Variants in ABHD8 observed in about 807,000 individuals in gnomAD.
ABHD8 encodes the protein protein ABHD8.
Under a neutral mutation model 29.3 loss-of-function variants are expected in ABHD8, and 10 were observed. The ratio of observed to expected loss-of-function variants is 0.34; its 90% CI spans 0.21 to 0.58. The LOEUF (loss-of-function observed/expected upper bound fraction) is 0.58, where lower values mean the gene tolerates loss of function less well. Among genes scored for constraint, ABHD8 ranks in the 20% least tolerant of loss-of-function variants. The pLI, the probability that ABHD8 is intolerant of heterozygous loss-of-function variation, is 0.85. For synonymous variants in ABHD8, 282 were observed against 274.6 expected, an observed-to-expected ratio of 1.03 and a Z score of -0.27; for missense variants, 556 against 615.3, an observed-to-expected ratio of 0.90 and a Z score of 1.02.
At chr19:17,299,793 CTTTGT>C in intron 2 of ABHD8, among the ~76,000 whole-genome samples, 1 of 151,552 alleles carries the variant, frequency 6.6e-6, no homozygotes, top group Non-Finnish European at 1.5e-5. Flanking sequence ...TTTTTGTTTG[CTTTGT>C]TTTGTTTTAG....
At chr19:17,293,570 G>C (rs1167500422) in intron 4 of ABHD8, among the ~76,000 whole-genome samples, 1 of 151,988 alleles carries the variant, frequency 6.6e-6, no homozygotes, top group Non-Finnish European at 1.5e-5. Flanking sequence ...GATGCCAGTA[G>C]TACCCCCTCC....
rs939238801 is a variant in ABHD8 at position 17,303,288 on chromosome 19, C to G, written c.-55G>C. The G allele has an allele frequency of 6.6e-6, 1 of 152,268 alleles. No individual in the cohort carries two copies. Among genetic ancestry groups the G allele is most frequent in the Non-Finnish European group, 1.5e-5 (1 of 68,070 alleles). The allele number at this position is 152,268 out of a possible 1,614,324, so 9.4% of individuals were successfully genotyped here. ...CGGGTCGGGGCGGAGGGGTCCCAGG[C>G]GGAGAAGCCAGCGTCCGCCTGCTGG... is the stretch of plus-strand genomic sequence containing the variant. On this transcript the variant is annotated 5_prime_UTR_variant, in exon 1 of 5. Coordinates refer to ENST00000247706, the MANE Select transcript of ABHD8 (RefSeq NM_024527.5).
chr19:17,298,735 C>CTTTTT lies in ABHD8; in HGVS notation c.761+2116_761+2120dup, dbSNP rs34731394. ...ATAGTGCTGGGATTGAACAACACTG[C>CTTTTT]TTTTTTTTTTTTTTTTTTTTTTTTG... On this transcript the variant is annotated intron_variant, in intron 2 of 4. Transcript: ENST00000247706. Among the ~76,000 whole-genome samples, 250 of 70,472 alleles carry CTTTTT rather than the reference C, an allele frequency of 3.5e-3. 6 individuals are homozygous for CTTTTT. The highest frequency in any genetic ancestry group is 0.013 in the African/African-American group (215 of 16,836). 46.2% of individuals were successfully genotyped at this position (70,472 alleles called of 152,430 possible).
intron 2 of ABHD8, among the ~76,000 whole-genome samples, chr19:17,299,510 A>G (rs1417779440): frequency 1.4e-5 from 2 of 146,418 alleles, no homozygotes; most frequent in Non-Finnish European, 3.0e-5. Flanking sequence ...GCAGTGAGCC[A>G]GGATCACGCC....
At position 17,297,316 on chromosome 19, in the gene ABHD8, G is replaced by A. The variant is rs865848990; in HGVS notation, c.762-2471C>T. On this transcript the variant is annotated intron_variant, in intron 2 of 4. Coordinates refer to ENST00000247706, the MANE Select transcript of ABHD8 (RefSeq NM_024527.5). ...TTTTGTTTTTTTGTTTTTTTCTCGA[G>A]ACAGAGTCTTGCTCTGTCACTCAGG... is the stretch of plus-strand genomic sequence containing the variant. 2.6e-5 allele frequency among the ~76,000 whole-genome samples: 4 copies of A among 151,862 alleles called. No homozygotes were observed. The East Asian group carries it at 7.7e-4, about 29-fold the overall frequency.
chr19:17,294,109 T>C (rs1182893048), intron 4 of ABHD8, among the ~76,000 whole-genome samples, 179 bp downstream of exon 4: 1 of 152,114 alleles, frequency 6.6e-6, no homozygotes, highest in Non-Finnish European at 1.5e-5. Context: ...CTAATGCTCC[T>C]GTTTGCCTGG....
intron 2 of ABHD8, among the ~76,000 whole-genome samples, chr19:17,298,614 A>G (rs532839234): frequency 7.9e-5 from 12 of 152,194 alleles, no homozygotes; most frequent in African/African-American, 2.9e-4. Context: ...CATGATCAAC[A>G]CTAGATTGTG....
intron 4 of ABHD8, 61 bp downstream of exon 4, chr19:17,294,227 G>A: frequency 2.6e-6 from 4 of 1,556,020 alleles, no homozygotes; most frequent in South Asian, 1.2e-5. Context: ...CAGAGGCCAC[G>A]CCCCTCCCGG....
Position 17,301,449 on chromosome 19 carries a change from G to C in ABHD8, c.168C>G (p.Ala56=). Residue 56 remains alanine, a synonymous_variant, in exon 2 of 5, where the codon GCC becomes GCG. Transcript: ENST00000247706. ...AGGATGCGGATGATGGTGGAGGTGG[G>C]GCAGCGGCTGGGGCGGGTCCTGCAT... ...VKHAGPAPAA[A]PPPPSSASSD... 1 of 1,611,988 alleles carries C rather than the reference G, an allele frequency of 6.2e-7. No homozygotes were observed. The highest frequency in any genetic ancestry group is 8.5e-7 in the Non-Finnish European group (1 of 1,179,802).
intron 2 of ABHD8, among the ~76,000 whole-genome samples, chr19:17,295,712 T>C (rs995789297): frequency 6.6e-6 from 1 of 151,828 alleles, no homozygotes; most frequent in Non-Finnish European, 1.5e-5. Flanking sequence ...TGGCCTGTTT[T>C]GTTTTTGTTT....
intron 4 of ABHD8, 50 bp downstream of exon 4, chr19:17,294,238 G>A: frequency 2.5e-6 from 4 of 1,574,346 alleles, no homozygotes; most frequent in Non-Finnish European, 3.4e-6. Flanking sequence ...CCCCTCCCGG[G>A]CAGCACCCTG....
Position 17,300,982 on chromosome 19 carries a change from C to T in ABHD8, c.635G>A (p.Gly212Asp). 6.2e-7 allele frequency: 1 copy of T among 1,613,448 alleles called. No individual in the cohort carries two copies. The highest frequency in any genetic ancestry group is 8.5e-7 in the Non-Finnish European group (1 of 1,180,014). ...GYEVVAPDLA[G>D]HGASSAPQVA... The stretch of plus-strand genomic sequence containing the variant: ...CTGGGGCGCAGAGCTGGCCCCGTGG[C>T]CGGCCAGGTCAGGAGCCACCACCTC... The change falls in exon 2 of 5, where the codon GGC (glycine) becomes GAC (aspartate). Residue 212 changes from glycine (G) to aspartate (D), a missense_variant. Gly to Asp is a moderately conservative substitution (Grantham distance 94). Coordinates refer to ENST00000247706, the MANE Select transcript of ABHD8 (RefSeq NM_024527.5).
Position 17,299,242 on chromosome 19 carries a change from C to CG in ABHD8, c.761+1613_761+1614insC, listed in dbSNP as rs796827763. Among the ~76,000 whole-genome samples the CG allele has an allele frequency of 2.2e-3, 329 of 147,044 alleles. 3 individuals carry two copies. Among genetic ancestry groups the CG allele is most frequent in the African/African-American group, 7.1e-3 (287 of 40,276 alleles). On this transcript the variant is annotated intron_variant, in intron 2 of 4. Transcript: ENST00000247706. ...CTGGGCAACATAATGAGACCCCCCC[C>CG]CCATTCTCTATATAATTTTTTTTTG...
At position 17,294,148 on chromosome 19, in the gene ABHD8, C is replaced by T. The variant is rs2074082724; in HGVS notation, c.1149+140G>A. The T allele has an allele frequency of 3.9e-6, 4 of 1,022,664 alleles. No individual in the cohort carries two copies. The South Asian group carries it at 4.8e-5, about 12-fold the overall frequency. 63.3% of individuals were successfully genotyped at this position (1,022,664 alleles called of 1,614,324 possible). A position where few individuals can be genotyped will look rare whatever the true frequency, so the allele number is the denominator to read the frequency against. ...CAGAACAAGATACAGCAACTAGAGGCCACGCCCACCCGGCAGCCACGCCCC... is the reference window on the plus strand; with the variant it reads ...CAGAACAAGATACAGCAACTAGAGGTCACGCCCACCCGGCAGCCACGCCCC... On this transcript the variant is annotated intron_variant, in intron 4 of 4. Coordinates refer to ENST00000247706, the MANE Select transcript of ABHD8 (RefSeq NM_024527.5).
chr19:17,301,608 G>A lies in ABHD8; in HGVS notation c.9C>T (p.Thr3=). ...AACAGAAGATACCGTCGGTCACCCCGGTCAGCATGGTGTGTCCTGTGAGTG... is the reference window on the plus strand; with the variant it reads ...AACAGAAGATACCGTCGGTCACCCCAGTCAGCATGGTGTGTCCTGTGAGTG... ML[T]GVTDGIFCCL... is the part of the protein sequence containing the mutation. The change falls in exon 2 of 5, where the codon ACC becomes ACT. Residue 3 remains threonine (T), a synonymous_variant. Coordinates refer to ENST00000247706, the MANE Select transcript of ABHD8 (RefSeq NM_024527.5). The A allele has an allele frequency of 3.2e-6, 5 of 1,550,004 alleles. No homozygotes were observed. Among genetic ancestry groups the A allele is most frequent in the Non-Finnish European group, 4.3e-6 (5 of 1,149,482 alleles).
At chr19:17,299,433 T>C (rs186973936) in intron 2 of ABHD8, among the ~76,000 whole-genome samples, 14 of 151,468 alleles carry the variant, frequency 9.2e-5, no homozygotes, top group Non-Finnish European at 1.3e-4. Flanking sequence ...TGGTAGCGGG[T>C]GCCTGTAGTC....
chr19:17,303,129 C>G (rs1447600984), intron 1 of ABHD8, 113 bp downstream of exon 1: 1 of 152,252 alleles, frequency 6.6e-6, no homozygotes, highest in Non-Finnish European at 1.5e-5. Context: ...GTCGAGCCCA[C>G]TGGGGCTCCG....
chr19:17,295,795 C>A (rs919946637), intron 2 of ABHD8, among the ~76,000 whole-genome samples: 1 of 152,236 alleles, frequency 6.6e-6, no homozygotes, highest in Non-Finnish European at 1.5e-5. Flanking sequence ...GCAGCCTTGA[C>A]TTCCTGGGCT....
rs530712660 is a variant in ABHD8, at chr19:17,300,845, G to T, written c.761+11C>A. The T allele has an allele frequency of 3.2e-6, 5 of 1,575,836 alleles. No individual in the cohort carries two copies. The highest frequency in any genetic ancestry group is 2.3e-5 in the East Asian group (1 of 44,248). On this transcript the variant is annotated intron_variant, in intron 2 of 4. Transcript: ENST00000247706. ...CCCTCACCCCCACCCCACATGCCAG[G>T]GTTCACTTACCCGTAGGAATGGCCA...
Sources: gnomAD v4.1 joint callset for allele counts (sites outside exome capture counted in the v4.1 genomes callset) on GRCh38, gnomAD v4.1.1 for gene constraint, MANE v1.5 for transcripts, NCBI Gene and HGNC (gene_info 2026-07-23, HGNC 2026-07-21) for gene names.